AGTR1: variants seen among roughly 807,000 people sequenced by gnomAD.
AGTR1 encodes angiotensin II receptor type 1.
Under a neutral mutation model 19.4 loss-of-function variants are expected in AGTR1, and 16 were observed. That is an observed-to-expected ratio of 0.82 (90% CI 0.56 to 1.25). The LOEUF is 1.25. Ranked by LOEUF, AGTR1 falls within the 50% of genes most tolerant of loss-of-function variation. The probability of loss-of-function intolerance (pLI) is 0.00; values close to 1 mark genes in which losing one functional copy is unlikely to be tolerated. For synonymous variants in AGTR1, 153 were observed against 154.9 expected (o/e 0.99, Z 0.09); for missense variants, 373 against 431.9 (o/e 0.86, Z 1.21).
chr3:148,730,333 C>G, intron 2 of AGTR1: 1 of 394,992 alleles, frequency 2.5e-6, no homozygotes, highest in Non-Finnish European at 4.5e-6. Flanking sequence ...TGTGTTTCTT[C>G]TCAGGTAGAT....
chr3:148,702,174 G>T (rs1422873804), intron 1 of AGTR1, among the ~76,000 whole-genome samples: 1 of 151,750 alleles, frequency 6.6e-6, no homozygotes, highest in Non-Finnish European at 1.5e-5. Flanking sequence ...GAAGAGGTTC[G>T]CCATGTTGGC....
intron 2 of AGTR1, 93 bp from the exon 3 acceptor site, chr3:148,740,896 T>C: frequency 1.7e-6 from 2 of 1,152,722 alleles, no homozygotes; most frequent in Non-Finnish European, 2.4e-6. Flanking sequence ...TAAAGTTGAG[T>C]TACTACGTTT....
chr3:148,737,401 C>T (rs1414631749), intron 2 of AGTR1, among the ~76,000 whole-genome samples: 2 of 151,864 alleles, frequency 1.3e-5, no homozygotes, highest in Non-Finnish European at 2.9e-5. Context: ...CACCATCCTT[C>T]CCCCAAACCC....
intron 2 of AGTR1, among the ~76,000 whole-genome samples, chr3:148,738,864 G>GT (rs1395704059): frequency 2.0e-5 from 3 of 152,218 alleles, no homozygotes; most frequent in Non-Finnish European, 2.9e-5. Context: ...ATTCATGGCT[G>GT]TAAGTTCTAT....
intron 2 of AGTR1, among the ~76,000 whole-genome samples, chr3:148,736,938 T>C (rs557605803): frequency 6.6e-6 from 1 of 152,330 alleles, no homozygotes; most frequent in Admixed American, 6.5e-5. Context: ...AGCTGCTTTC[T>C]AGATCTCACA....
intron 1 of AGTR1, among the ~76,000 whole-genome samples, chr3:148,702,495 G>A (rs1307072003): frequency 6.6e-6 from 1 of 152,134 alleles, no homozygotes; most frequent in Admixed American, 6.5e-5. Flanking sequence ...GTATAAAAAT[G>A]GTCTTTGCCG....
intron 2 of AGTR1, among the ~76,000 whole-genome samples, chr3:148,732,660 A>G (rs1714332167): frequency 6.6e-6 from 1 of 151,290 alleles, no homozygotes; most frequent in South Asian, 2.1e-4. Context: ...TTGTCAAGCA[A>G]TTTTGCCCTT....
intron 1 of AGTR1, among the ~76,000 whole-genome samples, chr3:148,705,661 T>C (rs1370886591): frequency 6.6e-6 from 1 of 152,004 alleles, no homozygotes; most frequent in African/African-American, 2.4e-5. Flanking sequence ...TTCCATTAAC[T>C]TAAGCCATAT....
chr3:148,709,582 A>G (rs1447373001), intron 2 of AGTR1, among the ~76,000 whole-genome samples: 1 of 152,180 alleles, frequency 6.6e-6, no homozygotes, highest in Non-Finnish European at 1.5e-5. Flanking sequence ...TTGTTTGTCA[A>G]AGAACTGATG....
intron 2 of AGTR1, among the ~76,000 whole-genome samples, chr3:148,740,284 A>T (rs948474721): frequency 3.9e-5 from 6 of 152,234 alleles, no homozygotes; most frequent in African/African-American, 1.4e-4. Flanking sequence ...GCTGGCAGGT[A>T]TGAAGGTTAG....
In AGTR1 at chr3:148,716,796, G is replaced by A. The variant is rs1476402896; in HGVS notation, c.-48+8769G>A. On this transcript the variant is annotated intron_variant, in intron 2 of 2. Coordinates refer to ENST00000349243, the MANE Select transcript of AGTR1 (RefSeq NM_000685.5). The surrounding 1 kb of genome is among the most constrained non-coding windows in gnomAD (Gnocchi z 4.7). ...TCTTTGAGTTCTCTGAATTTGAATAGTTTCTTAACCTTAGTTTTTTAACTG... is the reference window on the plus strand; with the variant it reads ...TCTTTGAGTTCTCTGAATTTGAATAATTTCTTAACCTTAGTTTTTTAACTG... Among the ~76,000 whole-genome samples, 1 of 152,082 alleles carries A rather than the reference G, an allele frequency of 6.6e-6. No individual in the cohort carries two copies. Among genetic ancestry groups the A allele is most frequent in the African/African-American group, 2.4e-5 (1 of 41,412 alleles).
intron 2 of AGTR1, among the ~76,000 whole-genome samples, chr3:148,726,222 T>G (rs1366972882): frequency 6.6e-6 from 1 of 152,098 alleles, no homozygotes; most frequent in Non-Finnish European, 1.5e-5. Context: ...TGATTTTTTT[T>G]TTTTTAGACG....
intron 2 of AGTR1, among the ~76,000 whole-genome samples, chr3:148,734,405 T>C (rs1341354552): frequency 6.6e-6 from 1 of 152,188 alleles, no homozygotes. Context: ...AATTGGTACA[T>C]GCAGAATTAA....
chr3:148,741,685 T>C lies in AGTR1; in HGVS notation c.650T>C (p.Leu217Pro), dbSNP rs1315912957. 1 of 1,614,090 alleles carries C rather than the reference T, an allele frequency of 6.2e-7. No individual in the cohort carries two copies. Among genetic ancestry groups the C allele is most frequent in the East Asian group, 2.2e-5 (1 of 44,884 alleles). ...CTGATCATTCTTACAAGTTATACTC[T>C]TATTTGGAAGGCCCTAAAGAAGGCT... ...PFLIILTSYT[L>P]IWKALKKAYE... Residue 217 changes from leucine (L) to proline (P), a missense_variant, in exon 3 of 3, where the codon CTT becomes CCT. Transcript: ENST00000349243.
At chr3:148,732,801 C>A (rs915033176) in intron 2 of AGTR1, among the ~76,000 whole-genome samples, 1 of 124,044 alleles carries the variant, frequency 8.1e-6, no homozygotes, top group Non-Finnish European at 1.6e-5. Context: ...AGTGCAGTGG[C>A]GGGATCTCGG....
At chr3:148,732,801 C>T (rs915033176) in intron 2 of AGTR1, among the ~76,000 whole-genome samples, 3 of 124,044 alleles carry the variant, frequency 2.4e-5, no homozygotes, top group Non-Finnish European at 4.7e-5. Context: ...AGTGCAGTGG[C>T]GGGATCTCGG....
At chr3:148,732,738 T>A (rs1028204783) in intron 2 of AGTR1, among the ~76,000 whole-genome samples, 2 of 134,538 alleles carry the variant, frequency 1.5e-5, no homozygotes, top group African/African-American at 5.6e-5. Context: ...AAATTTTTTT[T>A]TTTTTTTTTT....
intron 2 of AGTR1, chr3:148,731,205 A>C (rs1200228301): frequency 2.6e-5 from 4 of 152,184 alleles, no homozygotes; most frequent in African/African-American, 9.7e-5. Flanking sequence ...GAACTAAAGA[A>C]CCAGAAAATA....
At chr3:148,721,657 G>A (rs370981746) in intron 2 of AGTR1, among the ~76,000 whole-genome samples, 88 of 152,258 alleles carry the variant, frequency 5.8e-4, no homozygotes, top group East Asian at 1.9e-3. Flanking sequence ...GGCAGAACTC[G>A]AGGTCCTCTC....
Sources: gnomAD v4.1 joint callset for allele counts (sites outside exome capture counted in the v4.1 genomes callset) on GRCh38, gnomAD v4.1.1 for gene constraint, Gnocchi (gnomAD v3.1) non-coding constraint, MANE v1.5 for transcripts, NCBI Gene and HGNC (gene_info 2026-07-23, HGNC 2026-07-21) for gene names.